CDYL: variants seen among roughly 807,000 people sequenced by gnomAD.
CDYL encodes chromodomain Y-like protein.
A neutral mutation model predicts 47.3 loss-of-function variants in CDYL; 8 were observed. The observed-to-expected ratio is 0.17, with a 90% CI of 0.10 to 0.31. The LOEUF is 0.31. Ranked by LOEUF, CDYL falls within the 10% of genes least tolerant of loss-of-function variation. The pLI, the probability that CDYL is intolerant of heterozygous loss-of-function variation, is 1.00. For missense variants in CDYL, 471 were observed against 701.4 expected (o/e 0.67, Z 3.71); for synonymous variants, 266 against 265.0 (o/e 1.00, Z -0.04).
chr6:4,853,180 C>G (rs1760902480), intron 1 of CDYL, among the ~76,000 whole-genome samples: 1 of 152,192 alleles, frequency 6.6e-6, no homozygotes, highest in Admixed American at 6.5e-5. Context: ...CTTATACTTC[C>G]TCATGCAGTT....
intron 1 of CDYL, among the ~76,000 whole-genome samples, chr6:4,860,277 G>A (rs1266034547): frequency 2.0e-5 from 3 of 151,842 alleles, no homozygotes; most frequent in Non-Finnish European, 4.4e-5. Context: ...TAGTGTTAAC[G>A]TTTCGTTACG....
chr6:4,733,689 G>T (rs1195855734), intron 2 of CDYL, among the ~76,000 whole-genome samples: 2 of 152,050 alleles, frequency 1.3e-5, no homozygotes, highest in African/African-American at 2.4e-5. Context: ...AGTAAGTGAA[G>T]GCAAAGATTA....
At position 4,776,753 on chromosome 6, in the gene CDYL, G is replaced by GC; in HGVS notation, c.-27dup. Reference sequence around the variant, plus strand: ...CGGCGCCGGCGCCCGCCCCGACCCTGCCCCTCCCGCCCGCAACTCCGCCGC... The same window carrying GC: ...CGGCGCCGGCGCCCGCCCCGACCCTGCCCCCTCCCGCCCGCAACTCCGCCGC... On this transcript the variant is annotated 5_prime_UTR_variant, in exon 1 of 7. Coordinates refer to ENST00000397588, the MANE Select transcript of CDYL (RefSeq NM_004824.4). 1.7e-5 allele frequency: 12 copies of GC among 696,716 alleles called. No individual in the cohort carries two copies. The highest frequency in any genetic ancestry group is 7.9e-5 in the East Asian group (1 of 12,672). 43.2% of individuals were successfully genotyped at this position (696,716 alleles called of 1,614,324 possible).
chr6:4,856,071 C>G (rs1760998899), intron 1 of CDYL, among the ~76,000 whole-genome samples: 1 of 152,212 alleles, frequency 6.6e-6, no homozygotes, highest in Non-Finnish European at 1.5e-5. Context: ...TTATAGAGAT[C>G]TCACATGCTC....
intron 3 of CDYL, among the ~76,000 whole-genome samples, chr6:4,771,002 T>G (rs970085386): frequency 6.6e-6 from 1 of 152,200 alleles, no homozygotes; most frequent in African/African-American, 2.4e-5. Flanking sequence ...TATTTGTGTA[T>G]ATGTATAATG....
chr6:4,894,833 TC>T (rs1426690141), intron 2 of CDYL, among the ~76,000 whole-genome samples: 21 of 108,540 alleles, frequency 1.9e-4, no homozygotes, highest in East Asian at 8.5e-4. Flanking sequence ...TCCACAAAAG[TC>T]GTGTGTGTGT....
At chr6:4,770,299 C>G (rs1012791931) in intron 3 of CDYL, among the ~76,000 whole-genome samples, 1 of 152,132 alleles carries the variant, frequency 6.6e-6, no homozygotes, top group Non-Finnish European at 1.5e-5. Context: ...TGATTCAAAA[C>G]TTAGACCCTA....
rs192067550 is a variant in CDYL at position 4,913,728 on chromosome 6, G to A, written c.691+21349G>A. Among the ~76,000 whole-genome samples the A allele has an allele frequency of 3.2e-3, 493 of 152,304 alleles. 1 individual carries two copies. Among genetic ancestry groups the A allele is most frequent in the African/African-American group, 0.011 (477 of 41,568 alleles). ...TTTTCCTTTAAAGAGCCATTTAGTA[G>A]ATATTTTACACTTTGAGGCCAGACG... On this transcript the variant is annotated intron_variant, in intron 2 of 6. Transcript: ENST00000397588.
chr6:4,902,196 C>T (rs547415531), intron 2 of CDYL, among the ~76,000 whole-genome samples: 2 of 151,452 alleles, frequency 1.3e-5, no homozygotes, highest in Admixed American at 6.6e-5. Flanking sequence ...GTCTGGAGTT[C>T]GAGACCGGCC....
At chr6:4,777,808 A>T (rs1307308882) in intron 1 of CDYL, among the ~76,000 whole-genome samples, 1 of 152,062 alleles carries the variant, frequency 6.6e-6, no homozygotes, top group Non-Finnish European at 1.5e-5. Context: ...GTTGGCATAG[A>T]ATAGAGCTTT....
intron 1 of CDYL, among the ~76,000 whole-genome samples, chr6:4,781,309 G>A (rs1758613845): frequency 1.3e-5 from 2 of 152,164 alleles, no homozygotes; most frequent in Non-Finnish European, 2.9e-5. Flanking sequence ...TGTGAATAAA[G>A]TCTCAATCTG....
Position 4,834,480 on chromosome 6 carries a change from G to A in CDYL, c.25-57233G>A, listed in dbSNP as rs865827617. 9.4e-3 allele frequency among the ~76,000 whole-genome samples: 1,415 copies of A among 149,966 alleles called. 15 individuals carry two copies. Among genetic ancestry groups the A allele is most frequent in the Non-Finnish European group, 0.015 (984 of 67,562 alleles). On this transcript the variant is annotated intron_variant, in intron 1 of 6. Transcript: ENST00000397588. ...ATGGGCTTCCCTTTGTGGGTAACCC[G>A]ACCTTTCTCTCTGGCTGCCCTTAAC...
At chr6:4,717,210 A>G (rs867471522) in intron 2 of CDYL, among the ~76,000 whole-genome samples, 2 of 152,162 alleles carry the variant, frequency 1.3e-5, no homozygotes, top group African/African-American at 2.4e-5. Context: ...AGGCAGGAGG[A>G]TCACTTCAGC....
At chr6:4,902,141 G>A (rs1012985059) in intron 2 of CDYL, among the ~76,000 whole-genome samples, 1 of 152,204 alleles carries the variant, frequency 6.6e-6, no homozygotes, top group African/African-American at 2.4e-5. Context: ...GCTCACACCT[G>A]TAATCCCAAC....
chr6:4,919,705 A>G (rs1340211191), intron 2 of CDYL, among the ~76,000 whole-genome samples: 1 of 152,246 alleles, frequency 6.6e-6, no homozygotes, highest in Non-Finnish European at 1.5e-5. Flanking sequence ...GACATTTAAC[A>G]AGGAAATAGA....
At chr6:4,904,117 C>T (rs1025127731) in intron 2 of CDYL, among the ~76,000 whole-genome samples, 1 of 152,238 alleles carries the variant, frequency 6.6e-6, no homozygotes, top group African/African-American at 2.4e-5. Context: ...AGGCCGGGCC[C>T]CTCGCAGTGT....
At chr6:4,898,053 G>A (rs1045367645) in intron 2 of CDYL, among the ~76,000 whole-genome samples, 11 of 151,470 alleles carry the variant, frequency 7.3e-5, no homozygotes, top group Admixed American at 2.6e-4. Flanking sequence ...GCAAGACTGC[G>A]TCTCCACCAA....
At chr6:4,736,861 T>C (rs923434645) in intron 3 of CDYL, among the ~76,000 whole-genome samples, 5 of 152,318 alleles carry the variant, frequency 3.3e-5, no homozygotes, top group African/African-American at 1.2e-4. Context: ...ACAAATTACA[T>C]CTATCATGTT....
intron 1 of CDYL, among the ~76,000 whole-genome samples, chr6:4,781,814 A>G (rs983105670): frequency 4.6e-5 from 7 of 152,174 alleles, no homozygotes; most frequent in African/African-American, 7.2e-5. Context: ...CCAGGCCTCA[A>G]ATGAATTCTT....
Sources: allele counts gnomAD v4.1 joint callset (sites outside exome capture counted in the v4.1 genomes callset), GRCh38; gene constraint gnomAD v4.1.1; transcripts MANE v1.5; gene names NCBI Gene and HGNC (gene_info 2026-07-23, HGNC 2026-07-21).